The following DAB1 variants were observed in gnomAD, a reference collection of about 807,000 sequenced individuals.
The protein encoded by DAB1 is disabled homolog 1.
A neutral mutation model predicts 64.6 loss-of-function variants in DAB1; 15 were observed. The ratio of observed to expected loss-of-function variants is 0.23; its 90% confidence interval spans 0.16 to 0.36. DAB1 has a LOEUF of 0.36. Among genes scored for constraint, DAB1 ranks in the 10% least tolerant of loss-of-function variants. The pLI is 1.00. For synonymous variants in DAB1, 235 were observed against 251.9 expected (o/e 0.93, Z 0.64); for missense variants, 596 against 706.7 (o/e 0.84, Z 1.78).
At chr1:57,808,930 T>G (rs1421730313) in intron 6 of DAB1, among the ~76,000 whole-genome samples, 1 of 152,182 alleles carries the variant, frequency 6.6e-6, no homozygotes, top group Non-Finnish European at 1.5e-5. Flanking sequence ...GGTGTAACCT[T>G]CCTATTTTCC....
intron 1 of DAB1, among the ~76,000 whole-genome samples, chr1:57,828,618 C>T (rs187616373): frequency 2.0e-5 from 3 of 152,136 alleles, no homozygotes; most frequent in African/African-American, 7.2e-5. Flanking sequence ...TAGATACTGA[C>T]TTGGCTAATG....
At chr1:57,097,361 C>A (rs1000491112) in intron 4 of DAB1, among the ~76,000 whole-genome samples, 1 of 152,150 alleles carries the variant, frequency 6.6e-6, no homozygotes, top group African/African-American at 2.4e-5. Flanking sequence ...TCATACTGAG[C>A]CCGAGCTGAT....
At chr1:57,494,884 C>G (rs555078554) in intron 7 of DAB1, among the ~76,000 whole-genome samples, 7 of 152,210 alleles carry the variant, frequency 4.6e-5, no homozygotes, top group Non-Finnish European at 7.4e-5. Context: ...TGTGAAATTC[C>G]TTATAAATAA....
At chr1:58,234,583 C>A (rs536217528) in intron 4 of DAB1, among the ~76,000 whole-genome samples, 1 of 152,154 alleles carries the variant, frequency 6.6e-6, no homozygotes. Flanking sequence ...CCTATCTATT[C>A]CCCTAGGAAT....
chr1:57,631,401 C>T (rs1406966842), intron 7 of DAB1, among the ~76,000 whole-genome samples: 1 of 152,160 alleles, frequency 6.6e-6, no homozygotes. Flanking sequence ...TCACTTGACT[C>T]ATTTCATTTT....
chr1:57,483,496 T>C lies in DAB1; in HGVS notation n.625+166096A>G, dbSNP rs191285662. 1.7e-4 allele frequency among the ~76,000 whole-genome samples: 26 copies of C among 152,348 alleles called. 2 individuals carry two copies. The East Asian group carries it at 5.0e-3, about 29-fold the overall frequency. On this transcript the variant is annotated intron_variant and non_coding_transcript_variant, in intron 7 of 20. Transcript: ENST00000485760. ...AGGCCTCCCCAGCTATGTGCAACTG[T>C]GAGTCCATTAAACCTCTTTTTCTTT...
At chr1:57,419,146 GACA>G (rs1295582449) in intron 1 of DAB1, among the ~76,000 whole-genome samples, 1 of 152,080 alleles carries the variant, frequency 6.6e-6, no homozygotes, top group Non-Finnish European at 1.5e-5. Context: ...CTCTTAGCCT[GACA>G]ACACCTCCTC....
rs1570320765 is a variant in DAB1 at position 58,077,155 on chromosome 1, T to A, written n.387+73356A>T. 1.3e-5 allele frequency among the ~76,000 whole-genome samples: 2 copies of A among 152,200 alleles called. 1 individual carries two copies. Among genetic ancestry groups the A allele is most frequent in the South Asian group, 4.1e-4 (2 of 4,828 alleles). ...TAATAAAAAAAAACAATAACAATGA[T>A]AATGATAATACCATCAGTGGGTCAC... On this transcript the variant is annotated intron_variant and non_coding_transcript_variant, in intron 5 of 20. Coordinates refer to the DAB1 transcript ENST00000485760.
rs572796234 is a variant in DAB1 at position 57,959,690 on chromosome 1, G to A, written n.388-75528C>T. On this transcript the variant is annotated intron_variant and non_coding_transcript_variant, in intron 5 of 20. Coordinates refer to the DAB1 transcript ENST00000485760. Reference sequence around the variant, plus strand: ...ATGCTGCAATATAAACAATCCTGATGAGAAGCTGTCCAAAGGAATTCACAG... The same window carrying A: ...ATGCTGCAATATAAACAATCCTGATAAGAAGCTGTCCAAAGGAATTCACAG... 1.1e-4 allele frequency among the ~76,000 whole-genome samples: 16 copies of A among 152,282 alleles called. No homozygotes were observed. In the East Asian group the frequency reaches 1.2e-3, roughly 11 times the overall value.
At chr1:57,762,954 A>G (rs1319808010) in intron 6 of DAB1, among the ~76,000 whole-genome samples, 4 of 152,240 alleles carry the variant, frequency 2.6e-5, no homozygotes, top group South Asian at 2.1e-4. Context: ...GACGTCAGAC[A>G]TGCAGAAGTG....
intron 5 of DAB1, among the ~76,000 whole-genome samples, chr1:58,150,310 C>T (rs937039574): frequency 2.0e-5 from 3 of 152,174 alleles, no homozygotes. Flanking sequence ...TATGTGCCTA[C>T]AAAACCCAGA....
chr1:57,147,207 G>A (rs1659229872), intron 2 of DAB1, among the ~76,000 whole-genome samples: 1 of 151,846 alleles, frequency 6.6e-6, no homozygotes, highest in South Asian at 2.1e-4. Flanking sequence ...TATTTTTGTA[G>A]AGATGGGGTT....
At chr1:57,645,997 A>G (rs1646187685) in intron 7 of DAB1, among the ~76,000 whole-genome samples, 1 of 152,244 alleles carries the variant, frequency 6.6e-6, no homozygotes, top group South Asian at 2.1e-4. Flanking sequence ...AAATAAAAAC[A>G]AAGAGTCATA....
At chr1:57,014,116 A>G (rs906924095) in intron 12 of DAB1, among the ~76,000 whole-genome samples, 2 of 152,234 alleles carry the variant, frequency 1.3e-5, no homozygotes, top group East Asian at 1.9e-4. Context: ...GTTTGAGCAC[A>G]TATACCATTG....
chr1:58,223,283 C>T (rs1189923829), intron 4 of DAB1, among the ~76,000 whole-genome samples: 4 of 152,200 alleles, frequency 2.6e-5, no homozygotes, highest in Non-Finnish European at 5.9e-5. Flanking sequence ...GGCACGTACT[C>T]AGTTTCTGTC....
intron 3 of DAB1, among the ~76,000 whole-genome samples, chr1:58,366,296 C>T (rs890774017): frequency 2.0e-5 from 3 of 152,186 alleles, no homozygotes; most frequent in Non-Finnish European, 1.5e-5. Flanking sequence ...TCCCATCCAT[C>T]ATCATGCCAG....
At chr1:57,431,143 C>CAAAAAAAAAAAA (rs77701798) in intron 7 of DAB1, among the ~76,000 whole-genome samples, 4 of 96,386 alleles carry the variant, frequency 4.1e-5, no homozygotes, top group Non-Finnish European at 6.7e-5. Flanking sequence ...AGGCCAAAAA[C>CAAAAAAAAAAAA]AAAAAAAAAA....
At chr1:57,821,420 C>T (rs1652115229), downstream of DAB1, among the ~76,000 whole-genome samples, 1 of 151,886 alleles carries the variant, frequency 6.6e-6, no homozygotes, top group Non-Finnish European at 1.5e-5. Context: ...CTGTAATTGG[C>T]AGGATCTACA....
chr1:58,338,167 T>C (rs922287474), intron 4 of DAB1, among the ~76,000 whole-genome samples: 1 of 152,212 alleles, frequency 6.6e-6, no homozygotes, highest in Non-Finnish European at 1.5e-5. Context: ...ACCTTGATGT[T>C]TGAAAATAAA....
Sources: gnomAD v4.1 joint callset for allele counts (sites outside exome capture counted in the v4.1 genomes callset) on GRCh38, gnomAD v4.1.1 for gene constraint, MANE v1.5 for transcripts, NCBI Gene and HGNC (gene_info 2026-07-23, HGNC 2026-07-21) for gene names.